Variants in SORBS2 observed in about 807,000 individuals in gnomAD.
The protein encoded by SORBS2 is sorbin and SH3 domain-containing protein 2.
Under a neutral mutation model 97.7 loss-of-function variants are expected in SORBS2, and 46 were observed. The ratio of observed to expected loss-of-function variants is 0.47; its 90% CI spans 0.37 to 0.60. The LOEUF (loss-of-function observed/expected upper bound fraction) is 0.60. Among genes scored for constraint, SORBS2 ranks in the 20% least tolerant of loss-of-function variants. SORBS2 has a pLI of 0.00. For synonymous variants in SORBS2, 476 were observed against 473.4 expected (o/e 1.01, Z -0.07); for missense variants, 1,316 against 1,282.3 (o/e 1.03, Z -0.40).
intron 4 of SORBS2, among the ~76,000 whole-genome samples, chr4:185,663,848 C>CT (rs56177449): frequency 0.13 from 10,695 of 80,932 alleles, 1,016 homozygotes; most frequent in Middle Eastern, 0.21. Flanking sequence ...TAGATTTATT[C>CT]TTTTTTTTTT....
intron 1 of SORBS2, among the ~76,000 whole-genome samples, chr4:185,868,934 G>A (rs373752784): frequency 6.6e-6 from 1 of 152,144 alleles, no homozygotes; most frequent in Non-Finnish European, 1.5e-5. Context: ...GAATCCCAGG[G>A]GTTCAACCTG....
intron 4 of SORBS2, among the ~76,000 whole-genome samples, chr4:185,671,203 T>C (rs2097707439): frequency 6.6e-6 from 1 of 152,178 alleles, no homozygotes; most frequent in Non-Finnish European, 1.5e-5. Flanking sequence ...GGGTGACAAG[T>C]GATCTAAAAT....
At chr4:185,681,855 G>A (rs116726027) in intron 2 of SORBS2, among the ~76,000 whole-genome samples, 2,497 of 152,190 alleles carry the variant, frequency 0.016, 52 homozygotes, top group African/African-American at 0.053. Context: ...TTTGTGATAC[G>A]TGTCACATCG....
At chr4:185,789,454 G>A (rs1480456458) in intron 1 of SORBS2, among the ~76,000 whole-genome samples, 2 of 151,276 alleles carry the variant, frequency 1.3e-5, no homozygotes, top group East Asian at 3.9e-4. Flanking sequence ...TATAATTTAT[G>A]AAATAAATCA....
At chr4:185,931,179 G>A (rs2099266263) in intron 1 of SORBS2, among the ~76,000 whole-genome samples, 1 of 152,100 alleles carries the variant, frequency 6.6e-6, no homozygotes, top group Admixed American at 6.5e-5. Context: ...GAAAAAGGAA[G>A]CAAGACAATA....
chr4:185,664,183 A>G (rs1409675861), intron 4 of SORBS2, among the ~76,000 whole-genome samples: 1 of 152,128 alleles, frequency 6.6e-6, no homozygotes, highest in African/African-American at 2.4e-5. Context: ...TGTTCAACCA[A>G]TCAGGATTTT....
intron 2 of SORBS2, among the ~76,000 whole-genome samples, chr4:185,717,147 G>A (rs1583326739): frequency 1.3e-5 from 2 of 152,184 alleles, no homozygotes; most frequent in Non-Finnish European, 2.9e-5. Context: ...TGGGAGCGCC[G>A]CTGTCTTCAA....
In SORBS2 at chr4:185,712,409, C is replaced by T. The variant is rs187644839; in HGVS notation, c.-197-33587G>A. ...GAGCCACTTTATCGGCAATAAAATC[C>T]CCCACATTTATCATCCTTCAATTTG... On this transcript the variant is annotated intron_variant, in intron 2 of 20. Transcript: ENST00000284776. 9.6e-4 allele frequency among the ~76,000 whole-genome samples: 146 copies of T among 152,278 alleles called. 1 individual carries two copies. Among genetic ancestry groups the T allele is most frequent in the Non-Finnish European group, 2.1e-4 (14 of 68,026 alleles).
intron 2 of SORBS2, among the ~76,000 whole-genome samples, chr4:185,738,929 C>T (rs188508264): frequency 2.6e-5 from 4 of 152,232 alleles, no homozygotes; most frequent in Admixed American, 1.3e-4. Flanking sequence ...GAAGTGATAC[C>T]AGTGCAAGGG....
chr4:185,730,876 G>T (rs1252748275), intron 2 of SORBS2, among the ~76,000 whole-genome samples: 1 of 152,188 alleles, frequency 6.6e-6, no homozygotes, highest in Non-Finnish European at 1.5e-5. Context: ...AAAGGCTGCA[G>T]CCTGACGTAG....
intron 1 of SORBS2, among the ~76,000 whole-genome samples, chr4:185,949,667 A>G (rs1456755863): frequency 6.6e-6 from 1 of 152,076 alleles, no homozygotes; most frequent in Non-Finnish European, 1.5e-5. Context: ...TAATAGATGA[A>G]AGAAGGAAGA....
At chr4:185,593,127 A>C (rs1292155468) in intron 13 of SORBS2, 1 of 152,380 alleles carries the variant, frequency 6.6e-6, no homozygotes, top group Non-Finnish European at 1.5e-5. Flanking sequence ...GTGTGCTCAG[A>C]TATGGGGGAC....
chr4:185,733,311 TGTG>T (rs574019286), intron 2 of SORBS2, among the ~76,000 whole-genome samples: 100 of 152,288 alleles, frequency 6.6e-4, no homozygotes, highest in African/African-American at 2.2e-3. Flanking sequence ...ATGAGTGATA[TGTG>T]GTGGTGGTAA....
At chr4:185,628,753 G>A (rs2096858961) in intron 5 of SORBS2, among the ~76,000 whole-genome samples, 2 of 152,144 alleles carry the variant, frequency 1.3e-5, no homozygotes, top group Non-Finnish European at 2.9e-5. Context: ...TGTCTCATCA[G>A]TCAGTCAATC....
At chr4:185,723,490 G>A (rs570912401) in intron 2 of SORBS2, among the ~76,000 whole-genome samples, 41 of 152,330 alleles carry the variant, frequency 2.7e-4, no homozygotes, top group Middle Eastern at 3.4e-3. Context: ...AAGGGAAGTT[G>A]GGAGAAGAAA....
intron 1 of SORBS2, among the ~76,000 whole-genome samples, chr4:185,653,517 G>T (rs1041130371): frequency 6.6e-6 from 1 of 152,126 alleles, no homozygotes; most frequent in African/African-American, 2.4e-5. Context: ...ATCTGGGCAA[G>T]TCATGTCACC....
chr4:185,606,867 C>G lies in SORBS2; in HGVS notation c.2796+4913G>C. The G allele has an allele frequency of 8.1e-6, 8 of 987,314 alleles. No homozygotes were observed. Among genetic ancestry groups the G allele is most frequent in the Non-Finnish European group, 9.6e-6 (8 of 830,918 alleles). The allele number at this position is 987,314 out of a possible 1,614,324, so 61.2% of individuals were successfully genotyped here. ...CAGGCAAGGAACCCACGCTGGTGCA[C>G]GCAGAGGCCACAAAATTATCCCCTA... is the stretch of plus-strand genomic sequence containing the variant. On this transcript the variant is annotated intron_variant, in intron 12 of 14. Transcript: ENST00000418609. The surrounding 1 kb of genome is among the most constrained non-coding windows in gnomAD (Gnocchi z 4.3).
intron 1 of SORBS2, among the ~76,000 whole-genome samples, chr4:185,860,391 A>T (rs749403246): frequency 1.3e-5 from 2 of 152,244 alleles, no homozygotes. Flanking sequence ...GTGACAAAGC[A>T]GTGCCTGAGG....
At chr4:185,720,443 G>T (rs145736880) in intron 2 of SORBS2, among the ~76,000 whole-genome samples, 12 of 152,158 alleles carry the variant, frequency 7.9e-5, no homozygotes, top group Non-Finnish European at 1.0e-4. Flanking sequence ...GCTATTGAAC[G>T]TATTTCTGTG....
Sources: allele counts gnomAD v4.1 joint callset (sites outside exome capture counted in the v4.1 genomes callset), GRCh38; gene constraint gnomAD v4.1.1; non-coding constraint Gnocchi (gnomAD v3.1); transcripts MANE v1.5; gene names NCBI Gene and HGNC (gene_info 2026-07-23, HGNC 2026-07-21).